PCDH15: variants seen among roughly 807,000 people sequenced by gnomAD.
The protein encoded by PCDH15 is protocadherin related 15.
Under a neutral mutation model 178.5 loss-of-function variants are expected in PCDH15, and 129 were observed. That is an observed-to-expected ratio of 0.72 (90% confidence interval 0.63 to 0.84). PCDH15 has a LOEUF of 0.84. Among genes scored for constraint, PCDH15 ranks in the 40% least tolerant of loss-of-function variants. The pLI, the probability that PCDH15 is intolerant of heterozygous loss-of-function variation, is 0.00. For missense variants in PCDH15, 2,230 were observed against 2,099.9 expected (o/e 1.06, Z -1.21); for synonymous variants, 800 against 732.0 (o/e 1.09, Z -1.50).
At chr10:54,198,653 C>T (rs1415411273) in intron 10 of PCDH15, among the ~76,000 whole-genome samples, 2 of 122,068 alleles carry the variant, frequency 1.6e-5, no homozygotes, top group Admixed American at 8.0e-5. Flanking sequence ...AGGCGCCCGC[C>T]ACTACGCCCG....
At chr10:54,167,102 G>A (rs1199657539) in intron 13 of PCDH15, among the ~76,000 whole-genome samples, 3 of 152,150 alleles carry the variant, frequency 2.0e-5, no homozygotes, top group Non-Finnish European at 2.9e-5. Context: ...CCTGTTTGAT[G>A]GTCTCTTCAC....
At chr10:55,456,510 T>C (rs1201634811) in intron 2 of PCDH15, among the ~76,000 whole-genome samples, 1 of 152,120 alleles carries the variant, frequency 6.6e-6, no homozygotes, top group African/African-American at 2.4e-5. Context: ...CCTGTGTTTG[T>C]GGTATAAAAT....
intron 1 of PCDH15, among the ~76,000 whole-genome samples, chr10:55,230,689 T>C (rs1236541787): frequency 6.6e-6 from 1 of 152,078 alleles, no homozygotes; most frequent in Non-Finnish European, 1.5e-5. Context: ...CTCAGTGTGA[T>C]GTCATGTTTT....
At position 53,962,001 on chromosome 10, in the gene PCDH15, A is replaced by G. The variant is rs2456699; in HGVS notation, c.2869-109T>C. On this transcript the variant is annotated intron_variant, in intron 21 of 37. Coordinates refer to ENST00000644397, the MANE Select transcript of PCDH15 (RefSeq NM_001384140.1). ...TCATGGTCTTTTAGAAGTGAAAATC[A>G]TATTTCCATATTTTCATTCTTTCAG... 687,046 of 895,854 alleles carry G rather than the reference A, an allele frequency of 0.77. 265,751 individuals carry two copies. The highest frequency in any genetic ancestry group is 1 in the East Asian group (37,333 of 37,368). 55.5% of individuals were successfully genotyped at this position (895,854 alleles called of 1,614,324 possible). A position where few individuals can be genotyped will look rare whatever the true frequency, so the allele number is the denominator to read the frequency against.
At chr10:55,569,694 C>G (rs2132108354) in intron 2 of PCDH15, among the ~76,000 whole-genome samples, 1 of 151,864 alleles carries the variant, frequency 6.6e-6, no homozygotes, top group South Asian at 2.1e-4. Flanking sequence ...TGAAAGTGGT[C>G]TTCGTTTTCT....
intron 1 of PCDH15, among the ~76,000 whole-genome samples, chr10:54,747,806 A>ATTTTTTTTTTTTTT (rs10628733): frequency 2.2e-5 from 3 of 135,564 alleles, no homozygotes; most frequent in Admixed American, 7.5e-5. Context: ...CAATGGTTAC[A>ATTTTTTTTTTTTTT]TTTTTTTTTT....
intron 3 of PCDH15, 64 bp from the exon 4 acceptor site, chr10:54,379,006 A>G: frequency 6.3e-7 from 1 of 1,584,548 alleles, no homozygotes; most frequent in Non-Finnish European, 8.6e-7. Context: ...AGCAAAGATC[A>G]TGCTCTTAAA....
At chr10:55,058,013 A>G (rs1034176616) in intron 2 of PCDH15, among the ~76,000 whole-genome samples, 42 of 152,186 alleles carry the variant, frequency 2.8e-4, no homozygotes, top group Admixed American at 2.5e-3. Flanking sequence ...TCTTAACTAC[A>G]TCTTCTTTTT....
At chr10:54,400,675 G>C (rs1289931885) in intron 3 of PCDH15, among the ~76,000 whole-genome samples, 1 of 152,072 alleles carries the variant, frequency 6.6e-6, no homozygotes, top group Admixed American at 6.6e-5. Context: ...TTCTTGCACA[G>C]TGACAGTTAA....
chr10:54,941,124 C>G (rs1272845657), intron 2 of PCDH15, among the ~76,000 whole-genome samples: 1 of 151,748 alleles, frequency 6.6e-6, no homozygotes, highest in Admixed American at 6.6e-5. Context: ...TAAGTAAATA[C>G]TTTTTGGTGC....
At position 53,828,582 on chromosome 10, in the gene PCDH15, G is replaced by T. The variant is rs746654002; in HGVS notation, c.4203-9C>A. 3.2e-6 allele frequency: 5 copies of T among 1,545,166 alleles called. No homozygotes were observed. The highest frequency in any genetic ancestry group is 4.5e-6 in the Non-Finnish European group (5 of 1,118,314). ...ATACTTACACTTTAAACCTGTTTGG[G>T]AAAGCAAGAGTAAGAAAAATAGAAA... On this transcript the variant is annotated splice_polypyrimidine_tract_variant and intron_variant, in intron 30 of 37. Coordinates refer to ENST00000644397, the MANE Select transcript of PCDH15 (RefSeq NM_001384140.1).
intron 14 of PCDH15, among the ~76,000 whole-genome samples, chr10:54,133,894 C>CAA (rs1184118629): frequency 7.3e-6 from 1 of 137,666 alleles, no homozygotes; most frequent in Non-Finnish European, 1.6e-5. Flanking sequence ...CACATATATA[C>CAA]ACACACATAT....
chr10:54,203,274 C>A (rs1228790768), intron 10 of PCDH15, among the ~76,000 whole-genome samples: 1 of 152,190 alleles, frequency 6.6e-6, no homozygotes, highest in Admixed American at 6.5e-5. Context: ...GAATACTCTA[C>A]AAGTAATAAG....
At chr10:54,723,077 C>A (rs2132531285) in intron 1 of PCDH15, among the ~76,000 whole-genome samples, 1 of 151,408 alleles carries the variant, frequency 6.6e-6, no homozygotes, top group South Asian at 2.1e-4. Context: ...AAATAGATCC[C>A]AAATAGCCAA....
chr10:54,866,349 A>C (rs1183576108), intron 3 of PCDH15, among the ~76,000 whole-genome samples: 1 of 152,218 alleles, frequency 6.6e-6, no homozygotes, highest in Non-Finnish European at 1.5e-5. Context: ...CCATTTTTGG[A>C]GAATGATTTG....
chr10:53,888,567 A>G (rs1372838845), intron 26 of PCDH15, among the ~76,000 whole-genome samples: 1 of 74,540 alleles, frequency 1.3e-5, no homozygotes, highest in South Asian at 5.2e-4. Context: ...TCACAATTTG[A>G]TTTTGTCTGT....
At chr10:54,034,012 A>G (rs1353833581) in intron 18 of PCDH15, among the ~76,000 whole-genome samples, 1 of 151,634 alleles carries the variant, frequency 6.6e-6, no homozygotes, top group African/African-American at 2.4e-5. Context: ...TTCTTGTATC[A>G]TTTCTAGAAA....
intron 1 of PCDH15, among the ~76,000 whole-genome samples, chr10:54,786,170 C>G (rs1055260807): frequency 1.3e-5 from 2 of 151,942 alleles, no homozygotes; most frequent in African/African-American, 4.8e-5. Context: ...TGACACAAAA[C>G]CGGCAGCTTG....
intron 2 of PCDH15, among the ~76,000 whole-genome samples, chr10:55,498,180 G>A (rs916318791): frequency 5.9e-5 from 9 of 151,790 alleles, no homozygotes; most frequent in Non-Finnish European, 1.0e-4. Flanking sequence ...TTTTAAAGTC[G>A]AAATTACATT....
Sources: allele counts gnomAD v4.1 joint callset (sites outside exome capture counted in the v4.1 genomes callset), GRCh38; gene constraint gnomAD v4.1.1; transcripts MANE v1.5; gene names NCBI Gene and HGNC (gene_info 2026-07-23, HGNC 2026-07-21).